The following RPS6KC1 variants were observed in gnomAD, a reference collection of about 807,000 sequenced individuals.
RPS6KC1 encodes the protein inactive ribosomal protein S6 kinase delta-1.
A neutral mutation model predicts 103.8 loss-of-function variants in RPS6KC1; 54 were observed. The ratio of observed to expected loss-of-function variants is 0.52; its 90% confidence interval spans 0.42 to 0.65. The LOEUF (loss-of-function observed/expected upper bound fraction) is 0.65. RPS6KC1 is among the 30% of genes least tolerant of loss of function. The pLI is 0.00. For synonymous variants in RPS6KC1, 439 were observed against 438.7 expected (o/e 1.00, Z -0.01); for missense variants, 1,151 against 1,253.8 (o/e 0.92, Z 1.24).
chr1:213,635,325 A>G, the RPS6KC1 span, among the ~76,000 whole-genome samples: 1 of 152,232 alleles, frequency 6.6e-6, no homozygotes, highest in Non-Finnish European at 1.5e-5. Context: ...ACAAAAAAAG[A>G]GAATTTTAGA....
intron 8 of RPS6KC1, among the ~76,000 whole-genome samples, chr1:213,211,219 A>G (rs1355446618): frequency 6.6e-6 from 1 of 152,260 alleles, no homozygotes; most frequent in Non-Finnish European, 1.5e-5. Flanking sequence ...AAACTAGAAA[A>G]ATAGAATACA....
the RPS6KC1 span, among the ~76,000 whole-genome samples, chr1:213,330,579 C>T: frequency 6.6e-6 from 1 of 152,202 alleles, no homozygotes; most frequent in Non-Finnish European, 1.5e-5. Flanking sequence ...GCCCCCACCC[C>T]TTCTTGGGCT....
At chr1:213,541,270 C>A in the RPS6KC1 span, among the ~76,000 whole-genome samples, 1 of 150,288 alleles carries the variant, frequency 6.7e-6, no homozygotes, top group Non-Finnish European at 1.5e-5. Flanking sequence ...GTTCGTGGAG[C>A]CCCCAAACAA....
At chr1:213,262,976 C>CTA (rs1442163168) in intron 14 of RPS6KC1, among the ~76,000 whole-genome samples, 160 bp downstream of exon 14, 2 of 152,122 alleles carry the variant, frequency 1.3e-5, no homozygotes, top group Non-Finnish European at 2.9e-5. Context: ...TCAGGCTTTG[C>CTA]TATCATCAAA....
the RPS6KC1 span, among the ~76,000 whole-genome samples, chr1:213,355,090 T>C: frequency 3.7e-4 from 56 of 152,208 alleles, no homozygotes; most frequent in Non-Finnish European, 6.8e-4. Flanking sequence ...TGGTGGCGTA[T>C]GCCTATAATT....
chr1:213,072,221 C>T (rs550289708), intron 2 of RPS6KC1, among the ~76,000 whole-genome samples: 15 of 152,018 alleles, frequency 9.9e-5, no homozygotes, highest in African/African-American at 3.6e-4. Context: ...CACTACTCTA[C>T]AGAAAATACC....
the RPS6KC1 span, among the ~76,000 whole-genome samples, chr1:213,556,206 T>C: frequency 6.6e-6 from 1 of 152,164 alleles, no homozygotes. Flanking sequence ...GTTTTTCCCA[T>C]TCTGCTTGCC....
chr1:213,430,885 A>G, the RPS6KC1 span, among the ~76,000 whole-genome samples: 4 of 152,268 alleles, frequency 2.6e-5, no homozygotes, highest in African/African-American at 9.6e-5. Flanking sequence ...CATAAGGGAT[A>G]ATATTTCAAG....
the RPS6KC1 span, among the ~76,000 whole-genome samples, chr1:213,714,298 C>T: frequency 1.3e-5 from 2 of 152,208 alleles, no homozygotes; most frequent in African/African-American, 4.8e-5. Context: ...TATTGTTATC[C>T]TCACCAAAAA....
At chr1:213,238,970 T>C (rs946238658) in intron 10 of RPS6KC1, among the ~76,000 whole-genome samples, 1 of 152,214 alleles carries the variant, frequency 6.6e-6, no homozygotes, top group Non-Finnish European at 1.5e-5. Context: ...ATATAGGTAT[T>C]TGTGGTAAGA....
the RPS6KC1 span, among the ~76,000 whole-genome samples, chr1:213,410,281 A>G: frequency 1.3e-5 from 2 of 152,042 alleles, no homozygotes; most frequent in Non-Finnish European, 2.9e-5. Flanking sequence ...CCCCTGAGGA[A>G]ATGAGAGGGG....
At chr1:213,483,181 A>G in the RPS6KC1 span, among the ~76,000 whole-genome samples, 1 of 152,174 alleles carries the variant, frequency 6.6e-6, no homozygotes, top group Non-Finnish European at 1.5e-5. Context: ...CAAAAGGGGA[A>G]AAAGCCCCTT....
At chr1:213,813,298 T>A in the RPS6KC1 span, among the ~76,000 whole-genome samples, 2 of 151,546 alleles carry the variant, frequency 1.3e-5, no homozygotes, top group African/African-American at 4.8e-5. Flanking sequence ...CAGCTGAAGA[T>A]GTCTTAAAGT....
intron 3 of RPS6KC1, among the ~76,000 whole-genome samples, chr1:213,099,853 T>C (rs957379469): frequency 1.1e-4 from 17 of 152,246 alleles, no homozygotes; most frequent in Admixed American, 9.8e-4. Context: ...TTAGTTTAAA[T>C]GTACCACAGT....
chr1:213,089,885 A>G (rs1011605579), intron 3 of RPS6KC1, among the ~76,000 whole-genome samples: 2 of 152,248 alleles, frequency 1.3e-5, no homozygotes, highest in African/African-American at 2.4e-5. Flanking sequence ...TACGTGCTGA[A>G]GATACATTCA....
At chr1:213,268,701 A>C (rs1008158981) in intron 14 of RPS6KC1, among the ~76,000 whole-genome samples, 5 of 151,178 alleles carry the variant, frequency 3.3e-5, no homozygotes, top group African/African-American at 9.7e-5. Context: ...TAATAGACAA[A>C]GGAAGGGGGC....
At chr1:213,311,517 C>T in the RPS6KC1 span, among the ~76,000 whole-genome samples, 1 of 152,014 alleles carries the variant, frequency 6.6e-6, no homozygotes. Context: ...GCATTGTGGC[C>T]AGAAGGGAGG....
chr1:213,528,736 G>A, the RPS6KC1 span, among the ~76,000 whole-genome samples: 1 of 152,118 alleles, frequency 6.6e-6, no homozygotes. Flanking sequence ...GGTTCATCTA[G>A]GTCTGCTCCC....
chr1:213,380,883 C>T, the RPS6KC1 span, among the ~76,000 whole-genome samples: 3,965 of 152,242 alleles, frequency 0.026, 179 homozygotes, highest in African/African-American at 0.091. Context: ...TAGTCCCCTT[C>T]TGCCCACATG....
Sources: allele counts gnomAD v4.1 joint callset (sites outside exome capture counted in the v4.1 genomes callset), GRCh38; gene constraint gnomAD v4.1.1; transcripts MANE v1.5; gene names NCBI Gene and HGNC (gene_info 2026-07-23, HGNC 2026-07-21).